CSTPP1: variants seen among roughly 807,000 people sequenced by gnomAD.
CSTPP1 encodes UPF0705 protein C11orf49.
At chr11:47,134,098 A>G in the CSTPP1 span, among the ~76,000 whole-genome samples, 1 of 152,216 alleles carries the variant, frequency 6.6e-6, no homozygotes, top group East Asian at 1.9e-4. Flanking sequence ...TCATCCCTCT[A>G]AACTTTCTCA....
chr11:46,959,044 C>G, the CSTPP1 span, among the ~76,000 whole-genome samples: 2 of 152,066 alleles, frequency 1.3e-5, no homozygotes, highest in East Asian at 3.8e-4. Context: ...ATCCCTTAGC[C>G]CAATCAAGTT....
chr11:47,006,999 TG>T, the CSTPP1 span, among the ~76,000 whole-genome samples: 1 of 146,440 alleles, frequency 6.8e-6, no homozygotes, highest in Non-Finnish European at 1.5e-5. Context: ...TCATTTTGTG[TG>T]GTTTTTTTTT....
the CSTPP1 span, among the ~76,000 whole-genome samples, chr11:47,062,445 A>C: frequency 1.6e-4 from 25 of 152,238 alleles, no homozygotes; most frequent in African/African-American, 5.5e-4. Context: ...ATTGTATAGG[A>C]ACTTCTGATT....
the CSTPP1 span, among the ~76,000 whole-genome samples, chr11:47,048,006 T>C: frequency 6.6e-6 from 1 of 152,310 alleles, no homozygotes; most frequent in South Asian, 2.1e-4. Flanking sequence ...GAAAATAGCA[T>C]GTGTTGCTGA....
chr11:47,158,573 G>C, the CSTPP1 span, among the ~76,000 whole-genome samples: 70 of 152,334 alleles, frequency 4.6e-4, no homozygotes, highest in Admixed American at 2.5e-3. Context: ...GTCTCGCTCT[G>C]TTGCCCAGGC....
At chr11:46,999,312 T>C in the CSTPP1 span, among the ~76,000 whole-genome samples, 1 of 151,964 alleles carries the variant, frequency 6.6e-6, no homozygotes, top group Non-Finnish European at 1.5e-5. Flanking sequence ...TTGAGATGGG[T>C]ACTATTATTA....
At chr11:47,014,763 GGGAA>G in the CSTPP1 span, among the ~76,000 whole-genome samples, 28 of 148,780 alleles carry the variant, frequency 1.9e-4, no homozygotes, top group African/African-American at 4.7e-4. Context: ...AAGGGAGGGA[GGGAA>G]GGAAGGAAGG....
At chr11:47,069,121 T>G in the CSTPP1 span, among the ~76,000 whole-genome samples, 1 of 152,240 alleles carries the variant, frequency 6.6e-6, no homozygotes, top group Admixed American at 6.5e-5. Flanking sequence ...GAAATTAAAC[T>G]TTTATAGAAA....
the CSTPP1 span, among the ~76,000 whole-genome samples, chr11:47,034,538 G>A: frequency 2.1e-5 from 3 of 146,072 alleles, no homozygotes; most frequent in Non-Finnish European, 4.5e-5. Flanking sequence ...GTCTCACTGT[G>A]TTGCCCAGGC....
chr11:47,137,733 C>G, the CSTPP1 span: 1 of 1,613,780 alleles, frequency 6.2e-7, no homozygotes, highest in East Asian at 2.2e-5. Flanking sequence ...CAGCCAGGTA[C>G]GTCTCCTGGA....
At chr11:47,006,500 A>G in the CSTPP1 span, among the ~76,000 whole-genome samples, 1 of 151,582 alleles carries the variant, frequency 6.6e-6, no homozygotes, top group Non-Finnish European at 1.5e-5. Flanking sequence ...TCTTGAACCT[A>G]TAGCTTGATA....
chr11:47,019,347 T>C, the CSTPP1 span, among the ~76,000 whole-genome samples: 1 of 152,216 alleles, frequency 6.6e-6, no homozygotes, highest in Non-Finnish European at 1.5e-5. Flanking sequence ...GAACTTTTTC[T>C]TTGCATTCAC....
At chr11:47,156,889 C>A in the CSTPP1 span, 2 of 839,996 alleles carry the variant, frequency 2.4e-6, no homozygotes, top group Non-Finnish European at 3.6e-6. Context: ...CTTCTGCTCT[C>A]AGGACACCAT....
chr11:47,053,218 A>G, the CSTPP1 span, among the ~76,000 whole-genome samples: 1 of 152,230 alleles, frequency 6.6e-6, no homozygotes, highest in Non-Finnish European at 1.5e-5. Flanking sequence ...GAATACTTAC[A>G]TAACAGATCA....
chr11:47,162,176 A>G, the CSTPP1 span: 2 of 985,702 alleles, frequency 2.0e-6, no homozygotes, highest in Non-Finnish European at 2.4e-6. Flanking sequence ...AACTGCTTCA[A>G]GTCTTGACCC....
chr11:46,950,784 G>C, the CSTPP1 span, among the ~76,000 whole-genome samples: 3 of 151,860 alleles, frequency 2.0e-5, no homozygotes, highest in Admixed American at 2.0e-4. Context: ...GCTAATTTTT[G>C]TATTTTTAGT....
At chr11:47,091,360 C>T in the CSTPP1 span, among the ~76,000 whole-genome samples, 4 of 150,834 alleles carry the variant, frequency 2.7e-5, no homozygotes, top group Non-Finnish European at 4.4e-5. Flanking sequence ...GGTGACAGAG[C>T]GAGACTCCAT....
At chr11:47,157,109 G>A in the CSTPP1 span, 13 of 1,614,186 alleles carry the variant, frequency 8.1e-6, no homozygotes, top group South Asian at 9.9e-5. Context: ...GTCGTCCAGT[G>A]GGCAGCACCG....
At chr11:47,150,953 C>T in the CSTPP1 span, among the ~76,000 whole-genome samples, 2 of 141,646 alleles carry the variant, frequency 1.4e-5, no homozygotes, top group African/African-American at 2.6e-5. Context: ...GTGGCACAAG[C>T]TTGGCTCACT....
Sources: gnomAD v4.1 joint callset for allele counts (sites outside exome capture counted in the v4.1 genomes callset) on GRCh38, gnomAD v4.1.1 for gene constraint, MANE v1.5 for transcripts, NCBI Gene and HGNC (gene_info 2026-07-23, HGNC 2026-07-21) for gene names.